CPXM1: variants seen among roughly 807,000 people sequenced by gnomAD.
The protein encoded by CPXM1 is carboxypeptidase X, M14 family member 1.
CPXM1 carries 72 observed loss-of-function variants against 80.4 expected under a neutral mutation model. That is an observed-to-expected ratio of 0.90 (90% CI 0.74 to 1.09). The LOEUF (loss-of-function observed/expected upper bound fraction) is 1.09, where lower values mean the gene tolerates loss of function less well. Ranked by LOEUF, CPXM1 falls within the 50% of genes least tolerant of loss-of-function variation. The pLI is 0.00. For missense variants in CPXM1, 892 were observed against 999.4 expected, an observed-to-expected ratio of 0.89 and a Z score of 1.45; for synonymous variants, 403 against 405.6, an observed-to-expected ratio of 0.99 and a Z score of 0.08.
Position 2,796,782 on chromosome 20 carries a change from G to T in CPXM1, c.922-132C>A. ...GGGGGCATCCCATCATGGTACAGGA[G>T]GGGAGCGGCAGCAGAGCCGGGAGGA... On this transcript the variant is annotated intron_variant, in intron 7 of 13. Transcript: ENST00000380605. The surrounding 1 kb of genome is among the most constrained non-coding windows in gnomAD (Gnocchi z 6.8). 1.5e-6 allele frequency: 2 copies of T among 1,331,756 alleles called. No homozygotes were observed. The highest frequency in any genetic ancestry group is 2.4e-5 in the East Asian group (1 of 41,642). 82.5% of individuals were successfully genotyped at this position (1,331,756 alleles called of 1,614,324 possible).
chr20:2,796,902 G>A lies in CPXM1; in HGVS notation c.921+104C>T, dbSNP rs1649478318. On this transcript the variant is annotated intron_variant, in intron 7 of 13. Coordinates refer to ENST00000380605, the MANE Select transcript of CPXM1 (RefSeq NM_019609.5). The surrounding 1 kb of genome is among the most constrained non-coding windows in gnomAD (Gnocchi z 6.8). ...GGCTGAGACATCAGGAGGCAGCAGG[G>A]GCATACAAGCGCAGTCACAGCAGGT... 7 of 1,132,386 alleles carry A rather than the reference G, an allele frequency of 6.2e-6. No homozygotes were observed. The highest frequency in any genetic ancestry group is 1.9e-5 in the Admixed American group (1 of 51,372). The allele number at this position is 1,132,386 out of a possible 1,614,324, so 70.1% of individuals were successfully genotyped here.
chr20:2,800,396 C>A lies in CPXM1; in HGVS notation c.172+5G>T. On this transcript the variant is annotated splice_donor_5th_base_variant and intron_variant, in intron 1 of 13. Coordinates refer to ENST00000380605, the MANE Select transcript of CPXM1 (RefSeq NM_019609.5). The stretch of plus-strand genomic sequence containing the variant: ...GGGGAGCGGACCGTCGGTCGGGGAA[C>A]TCACCGTTAGCTGTCTCCGCCGGCG... The A allele has an allele frequency of 6.6e-7, 1 of 1,524,504 alleles. No individual in the cohort carries two copies. Among genetic ancestry groups the A allele is most frequent in the Non-Finnish European group, 8.7e-7 (1 of 1,143,820 alleles). The allele number at this position is 1,524,504 out of a possible 1,614,324, so 94.4% of individuals were successfully genotyped here.
In CPXM1 at chr20:2,794,452, G is replaced by A. The variant is rs73584035; in HGVS notation, c.1964-21C>T. The A allele has an allele frequency of 8.0e-3, 12,945 of 1,613,200 alleles. 735 individuals carry two copies. The African/African-American group carries it at 0.13, about 17-fold the overall frequency. ...CCACGCTGAGGAGAGTGAAGGGCAC[G>A]ATCAGGACCCAATTAATGATCTTCT... is the stretch of plus-strand genomic sequence containing the variant. On this transcript the variant is annotated intron_variant, in intron 13 of 13. Transcript: ENST00000380605. The surrounding 1 kb of genome is among the most constrained non-coding windows in gnomAD (Gnocchi z 5.2).
At position 2,800,557 on chromosome 20, in the gene CPXM1, G is replaced by A. The variant is rs2088560699; in HGVS notation, c.16C>T (p.Leu6Phe). 2 of 1,344,828 alleles carry A rather than the reference G, an allele frequency of 1.5e-6. No individual in the cohort carries two copies. Among genetic ancestry groups the A allele is most frequent in the African/African-American group, 1.5e-5 (1 of 65,030 alleles). 83.3% of individuals were successfully genotyped at this position (1,344,828 alleles called of 1,614,324 possible). MWGLL[L>F]ALAAFAPAVG... ...GCCGGCGCGAAGGCGGCCAGGGCGA[G>A]CAGGAGCCCCCACATGGCGGGGATT... The change falls in exon 1 of 14, where the codon CTC becomes TTC. Residue 6 changes from leucine (L) to phenylalanine (F), a missense_variant. Transcript: ENST00000380605.
chr20:2,795,054 A>G lies in CPXM1; in HGVS notation c.1860+223T>C, dbSNP rs1019930760. Among the ~76,000 whole-genome samples the G allele has an allele frequency of 1.2e-4, 19 of 152,052 alleles. No individual in the cohort carries two copies. Among genetic ancestry groups the G allele is most frequent in the African/African-American group, 4.6e-4 (19 of 41,388 alleles). ...CGCCACGGACCACCACCTAGACTGC[A>G]ATGGAGGCTCCTCCCACCGGCTCTA... On this transcript the variant is annotated intron_variant, in intron 12 of 13. Coordinates refer to ENST00000380605, the MANE Select transcript of CPXM1 (RefSeq NM_019609.5). The surrounding 1 kb of genome is among the most constrained non-coding windows in gnomAD (Gnocchi z 5.4).
Position 2,797,017 on chromosome 20 carries a change from C to A in CPXM1, c.910G>T (p.Ala304Ser), listed in dbSNP as rs1284084152. Residue 304 changes from alanine (A) to serine (S), a missense_variant, in exon 7 of 14, where the codon GCC becomes TCC. By Grantham distance (99) the Ala-to-Ser change is moderately conservative (BLOSUM62 1). This residue lies in a region of CPXM1 where 874 missense variants were observed against 958.4 expected (regional missense o/e 0.91). Transcript: ENST00000380605. ...PLDFQHHNYK[A>S]MRKLMKQVQE... ...GGGTTATATCTGACCTTCCTCATGG[C>A]CTTGTAATTGTGATGCTGAAAGTCT... 1 of 1,613,988 alleles carries A rather than the reference C, an allele frequency of 6.2e-7. No individual in the cohort carries two copies. The highest frequency in any genetic ancestry group is 8.5e-7 in the Non-Finnish European group (1 of 1,179,932).
Position 2,797,054 on chromosome 20 carries a change from G to C in CPXM1, c.873C>G (p.Ser291=), listed in dbSNP as rs776980520. 1.2e-5 allele frequency: 19 copies of C among 1,614,010 alleles called. No individual in the cohort carries two copies. ...GATGCTGAAAGTCTAGAGGGTCAGA[G>C]GATCCCGACGCAGGGGCCTCAAGGA... ...DLFLEAPASG[S]SDPLDFQHHN... Residue 291 remains serine (S), a synonymous_variant, in exon 7 of 14, where the codon TCC becomes TCG. Transcript: ENST00000380605.
At position 2,796,511 on chromosome 20, in the gene CPXM1, C is replaced by G. The variant is rs749908669; in HGVS notation, c.1045+16G>C. ...CCTGCCCTGTGCCTACCTCTCCCCA[C>G]TCCCCATGCCAGTACCCAGCTCATG... is the stretch of plus-strand genomic sequence containing the variant. On this transcript the variant is annotated intron_variant, in intron 8 of 13. Coordinates refer to ENST00000380605, the MANE Select transcript of CPXM1 (RefSeq NM_019609.5). The surrounding 1 kb of genome is among the most constrained non-coding windows in gnomAD (Gnocchi z 6.8). 21 of 1,613,822 alleles carry G rather than the reference C, an allele frequency of 1.3e-5. No homozygotes were observed. In the Admixed American group the frequency reaches 2.8e-4, roughly 22 times the overall value.
intron 1 of CPXM1, among the ~76,000 whole-genome samples, chr20:2,800,188 C>T (rs76013335): frequency 0.038 from 5,626 of 149,248 alleles, 213 homozygotes; most frequent in East Asian, 0.2. Context: ...TGAATGCGCG[C>T]GCGTGTGAGT....
Position 2,798,725 on chromosome 20 carries a change from C to G in CPXM1, c.340+1G>C, listed in dbSNP as rs1351170159. On this transcript the variant is annotated splice_donor_variant, in intron 2 of 13. Transcript: ENST00000380605. LOFTEE classifies it high-confidence loss of function. ...GGGCTGGGCCCCTGGAGAGGAAGTA[C>G]CTGTTTCTTGTTTCTCAGCGGGGTC... 6.2e-7 allele frequency: 1 copy of G among 1,610,600 alleles called. No individual in the cohort carries two copies. The highest frequency in any genetic ancestry group is 8.5e-7 in the Non-Finnish European group (1 of 1,178,602).
At position 2,794,623 on chromosome 20, in the gene CPXM1, G is replaced by A; in HGVS notation, c.1877C>T (p.Ala626Val). 6.2e-7 allele frequency: 1 copy of A among 1,611,968 alleles called. No individual in the cohort carries two copies. ...CGTGTCCTTGTCCCTCACCACTCCT[G>A]CAATGCCCATGCGCACCTGTGTGGG... Reference protein sequence around the residue: ...TYLEQVRMGIAGVVRDKDTEL... With the variant: ...TYLEQVRMGIVGVVRDKDTEL... The change falls in exon 13 of 14, where the codon GCA (alanine) becomes GTA (valine). Residue 626 changes from alanine (A) to valine (V), a missense_variant. Transcript: ENST00000380605. The surrounding 1 kb of genome is among the most constrained non-coding windows in gnomAD (Gnocchi z 5.2).
In CPXM1 at chr20:2,797,234, C is replaced by T. The variant is rs766135023; in HGVS notation, c.790G>A (p.Ala264Thr). 9.5e-6 allele frequency: 15 copies of T among 1,572,056 alleles called. No homozygotes were observed. The highest frequency in any genetic ancestry group is 4.6e-5 in the East Asian group (2 of 43,478). The change falls in exon 6 of 14, where the codon GCG (alanine) becomes ACG (threonine). Residue 264 changes from alanine to threonine, a missense_variant. Ala to Thr is a moderately conservative substitution (Grantham distance 58). This residue lies in a region of CPXM1 where 874 missense variants were observed against 958.4 expected (regional missense o/e 0.91). Coordinates refer to ENST00000380605, the MANE Select transcript of CPXM1 (RefSeq NM_019609.5). Reference sequence around the variant, plus strand: ...AGGATCTCTGCCCGGAGGCAAGGCGCGCCTCCCTGGAGCCAGGTCTGGGGC... The same window carrying T: ...AGGATCTCTGCCCGGAGGCAAGGCGTGCCTCCCTGGAGCCAGGTCTGGGGC... Reference protein sequence around the residue: ...LLPQTWLQGGAPCLRAEILAC... With the variant: ...LLPQTWLQGGTPCLRAEILAC...
In CPXM1 at chr20:2,798,235, G is replaced by A. The variant is rs200544521; in HGVS notation, c.507C>T (p.Asp169=). Reference sequence around the variant, plus strand: ...CGTCCACCTGAAACCATGGATCGGCGTCCTGCTCCTCAGCACACCAGGCTC... The same window carrying A: ...CGTCCACCTGAAACCATGGATCGGCATCCTGCTCCTCAGCACACCAGGCTC... ...YDGAWCAEEQ[D]ADPWFQVDAG... Residue 169 remains aspartate (D), a synonymous_variant, in exon 4 of 14, where the codon GAC becomes GAT. Coordinates refer to ENST00000380605, the MANE Select transcript of CPXM1 (RefSeq NM_019609.5). 1.1e-5 allele frequency: 17 copies of A among 1,613,938 alleles called. No homozygotes were observed. The highest frequency in any genetic ancestry group is 1.3e-5 in the African/African-American group (1 of 75,020).
chr20:2,795,323 T>G lies in CPXM1; in HGVS notation c.1814A>C (p.Gln605Pro), dbSNP rs759094843. 2 of 1,614,162 alleles carry G rather than the reference T, an allele frequency of 1.2e-6. No individual in the cohort carries two copies. Among genetic ancestry groups the G allele is most frequent in the South Asian group, 1.1e-5 (1 of 91,080 alleles). ...DKFPHENELP[Q>P]EWENNKDALL... The stretch of plus-strand genomic sequence containing the variant: ...GGCGTCTTTGTTGTTCTCCCACTCC[T>G]GGGGCAATTCATTCTCGTGAGGGAA... The change falls in exon 12 of 14, where the codon CAG becomes CCG. Residue 605 changes from glutamine to proline, a missense_variant. Transcript: ENST00000380605. This position sits in a 1 kb window ranked among gnomAD's most constrained non-coding sequence, Gnocchi z 5.4.
intron 1 of CPXM1, 119 bp from the exon 2 acceptor site, chr20:2,799,012 C>A (rs2088540661): frequency 7.0e-6 from 7 of 1,004,702 alleles, no homozygotes; most frequent in Non-Finnish European, 1.0e-5. Context: ...CAGGATCTAA[C>A]AGCCTTCACA....
chr20:2,799,408 G>T (rs1345710912), intron 1 of CPXM1, among the ~76,000 whole-genome samples: 2 of 152,110 alleles, frequency 1.3e-5, no homozygotes, highest in East Asian at 1.9e-4. Context: ...GGCTCAGATG[G>T]CCTGTCCTGG....
Position 2,794,635 on chromosome 20 carries a change from C to T in CPXM1, c.1865G>A (p.Arg622His), listed in dbSNP as rs772660245. 6.2e-6 allele frequency: 10 copies of T among 1,610,018 alleles called. No individual in the cohort carries two copies. Among genetic ancestry groups the T allele is most frequent in the African/African-American group, 4.0e-5 (3 of 74,866 alleles). The change falls in exon 13 of 14, where the codon CGC becomes CAC. Residue 622 changes from arginine to histidine, a missense_variant. Transcript: ENST00000380605. The surrounding 1 kb of genome is among the most constrained non-coding windows in gnomAD (Gnocchi z 5.2). ...CCTCACCACTCCTGCAATGCCCATG[C>T]GCACCTGTGTGGGAAGAGGTTATCA... Reference protein sequence around the residue: ...DALLTYLEQVRMGIAGVVRDK... With the variant: ...DALLTYLEQVHMGIAGVVRDK...
intron 1 of CPXM1, among the ~76,000 whole-genome samples, chr20:2,799,605 CCT>C (rs146436981): frequency 1.5e-4 from 22 of 150,046 alleles, no homozygotes; most frequent in East Asian, 7.8e-4. Context: ...TCTTGGCAGC[CCT>C]CTCTCTCTCT....
Position 2,796,128 on chromosome 20 carries a change from A to G in CPXM1, c.1276T>C (p.Trp426Arg). 2 of 1,613,004 alleles carry G rather than the reference A, an allele frequency of 1.2e-6. No homozygotes were observed. Among genetic ancestry groups the G allele is most frequent in the Non-Finnish European group, 8.5e-7 (1 of 1,179,396 alleles). Reference sequence around the variant, plus strand: ...TTAAGATCGATGCTCTGGTTGTTCCAGCGGCCCTCGGCCCAGCCCACCAGC... The same window carrying G: ...TTAAGATCGATGCTCTGGTTGTTCCGGCGGCCCTCGGCCCAGCCCACCAGC... ...SELVGWAEGR[W>R]NNQSIDLNHN... Residue 426 changes from tryptophan (W) to arginine (R), a missense_variant, in exon 10 of 14, where the codon TGG becomes CGG. Around this residue, in one of 2 missense-constraint regions of CPXM1, gnomAD observed 874 missense variants for 958.4 expected, o/e 0.91. Coordinates refer to ENST00000380605, the MANE Select transcript of CPXM1 (RefSeq NM_019609.5). The surrounding 1 kb of genome is among the most constrained non-coding windows in gnomAD (Gnocchi z 6.8).
Sources: allele counts gnomAD v4.1 joint callset (sites outside exome capture counted in the v4.1 genomes callset), GRCh38; gene constraint gnomAD v4.1.1; regional missense constraint gnomAD v4.1.1; non-coding constraint Gnocchi (gnomAD v3.1); transcripts MANE v1.5; gene names NCBI Gene and HGNC (gene_info 2026-07-23, HGNC 2026-07-21).